The following SRPX2 variants were observed in gnomAD, a reference collection of about 807,000 sequenced individuals.
The protein encoded by SRPX2 is sushi repeat-containing protein SRPX2.
In SRPX2, 26 loss-of-function variants were observed where a neutral mutation model predicts 45.3. The observed-to-expected ratio is 0.57, with a 90% CI of 0.42 to 0.80. The LOEUF (loss-of-function observed/expected upper bound fraction) is 0.80. SRPX2 is among the 30% of genes least tolerant of loss of function. SRPX2 has a pLI of 0.00. For synonymous variants in SRPX2, 125 were observed against 143.7 expected (o/e 0.87, Z 0.93); for missense variants, 355 against 399.8 (o/e 0.89, Z 0.95).
Position 100,662,254 on chromosome X carries a change from G to A in SRPX2, c.242G>A (p.Ser81Asn). The change falls in exon 4 of 11, where the codon AGC becomes AAC. Residue 81 changes from serine to asparagine, a missense_variant. Coordinates refer to ENST00000373004, the MANE Select transcript of SRPX2 (RefSeq NM_014467.3). ...TCACCGAAGGGAGGAAATTATCACAGCAGCCTGGGCACGCGTTGTGAGCTC... is the reference window on the plus strand; with the variant it reads ...TCACCGAAGGGAGGAAATTATCACAACAGCCTGGGCACGCGTTGTGAGCTC... ...CYSPKGGNYH[S>N]SLGTRCELSC... The A allele has an allele frequency of 1.7e-6, 2 of 1,211,646 alleles. No homozygotes were observed. The highest frequency in any genetic ancestry group is 2.2e-6 in the Non-Finnish European group (2 of 895,472).
At chrX:100,662,100 A>G in intron 3 of SRPX2, 76 bp from the exon 4 acceptor site, 1 of 1,048,358 alleles carries the variant, frequency 9.5e-7, no homozygotes, top group Non-Finnish European at 1.3e-6. Context: ...TTTTCCATTG[A>G]CCTATTTGTC....
chrX:100,662,115 C>A (rs1170652830), intron 3 of SRPX2, 61 bp from the exon 4 acceptor site: 3 of 1,143,139 alleles, frequency 2.6e-6, no homozygotes, highest in Non-Finnish European at 2.4e-6. Context: ...TTTGTCTTTT[C>A]ACCAACACCA....
chrX:100,665,981 G>A (rs768693047), intron 7 of SRPX2, among the ~76,000 whole-genome samples: 18 of 111,738 alleles, frequency 1.6e-4, no homozygotes, highest in Non-Finnish European at 2.6e-4. Context: ...TCATTCTGTC[G>A]TTCACCTCTG....
intron 8 of SRPX2, 134 bp downstream of exon 8, chrX:100,667,067 A>G: frequency 1.0e-6 from 1 of 1,000,662 alleles, no homozygotes. Context: ...GTCTAATTTA[A>G]AGGCCAACAT....
intron 3 of SRPX2, among the ~76,000 whole-genome samples, chrX:100,659,392 G>A (rs922213988): frequency 1.8e-5 from 2 of 111,708 alleles, no homozygotes; most frequent in Non-Finnish European, 3.8e-5. Flanking sequence ...CATTTAGACC[G>A]ACCTTTATAT....
intron 2 of SRPX2, 43 bp downstream of exon 2, chrX:100,646,447 G>A: frequency 9.0e-7 from 1 of 1,107,118 alleles, no homozygotes; most frequent in Non-Finnish European, 1.2e-6. Context: ...AGGAAGGATA[G>A]GTCCTAGACC....
In SRPX2 at chrX:100,665,253, C is replaced by G; in HGVS notation, c.543C>G (p.Pro181=). ...GGEPVCVDID[P]PKIRCPHSRE... ...TTTTCATCTTGGCAGACATAGATCCCCCCAAGATCCGCTGTCCCCACTCAC... is the reference window on the plus strand; with the variant it reads ...TTTTCATCTTGGCAGACATAGATCCGCCCAAGATCCGCTGTCCCCACTCAC... The change falls in exon 6 of 11, where the codon CCC becomes CCG. Residue 181 remains proline, a synonymous_variant. Coordinates refer to ENST00000373004, the MANE Select transcript of SRPX2 (RefSeq NM_014467.3). 8.3e-7 allele frequency: 1 copy of G among 1,209,893 alleles called. No homozygotes were observed. Among genetic ancestry groups the G allele is most frequent in the Non-Finnish European group, 1.1e-6 (1 of 894,702 alleles).
chrX:100,666,876 C>A lies in SRPX2; in HGVS notation c.904C>A (p.Pro302Thr). The part of the protein sequence containing the change: ...CDGGYDRQGT[P>T]SRVCQSSRQW... Reference sequence around the variant, plus strand: ...TGGCGGTTATGATCGCCAGGGGACACCCTCCCGGGTCTGTCAGTCCAGCCG... The same window carrying A: ...TGGCGGTTATGATCGCCAGGGGACAACCTCCCGGGTCTGTCAGTCCAGCCG... Residue 302 changes from proline to threonine, a missense_variant, in exon 8 of 11, where the codon CCC becomes ACC. Coordinates refer to ENST00000373004, the MANE Select transcript of SRPX2 (RefSeq NM_014467.3). 8.3e-6 allele frequency: 10 copies of A among 1,211,402 alleles called. No homozygotes were observed. Among genetic ancestry groups the A allele is most frequent in the Non-Finnish European group, 8.9e-6 (8 of 895,473 alleles).
chrX:100,666,062 C>T (rs1323107269), intron 7 of SRPX2, among the ~76,000 whole-genome samples: 1 of 111,883 alleles, frequency 8.9e-6, no homozygotes, highest in Non-Finnish European at 1.9e-5. Context: ...TTTTGCTTTT[C>T]TCATTATAAA....
At position 100,650,169 on chromosome X, in the gene SRPX2, C is replaced by T. The variant is rs186068381; in HGVS notation, c.83-616C>T. The T allele has an allele frequency of 5.9e-4, 68 of 114,933 alleles. 1 individual carries two copies. Among genetic ancestry groups the T allele is most frequent in the Admixed American group, 1.2e-3 (13 of 11,264 alleles). 9.5% of individuals were successfully genotyped at this position (114,933 alleles called of 1,213,427 possible). On this transcript the variant is annotated intron_variant, in intron 2 of 10. Transcript: ENST00000373004. ...ACTCTGCCTTCTCTGTTCTCCAAACCAGGGCAAAGTGCTCACAAAACTGCT... is the reference window on the plus strand; with the variant it reads ...ACTCTGCCTTCTCTGTTCTCCAAACTAGGGCAAAGTGCTCACAAAACTGCT...
At position 100,674,227 on chromosome X, in the gene SRPX2, T is replaced by C. The variant is rs2083243805; in HGVS notation, c.*3240T>C. 8.9e-6 allele frequency: 1 copy of C among 112,098 alleles called. No individual in the cohort carries two copies. Among genetic ancestry groups the C allele is most frequent in the East Asian group, 2.8e-4 (1 of 3,587 alleles). 9.2% of individuals were successfully genotyped at this position (112,098 alleles called of 1,213,427 possible). On this transcript the variant is annotated 3_prime_UTR_variant, in exon 11 of 11. Coordinates refer to ENST00000373004, the MANE Select transcript of SRPX2 (RefSeq NM_014467.3). ...AAGGAAGAGTTCCTTTGTTACAAGA[T>C]AGAAAAGTGGTGCCACTTTAAAGAT...
chrX:100,671,441 C>CTTTTT lies in SRPX2; in HGVS notation c.*466_*470dup, dbSNP rs34012120. On this transcript the variant is annotated 3_prime_UTR_variant, in exon 11 of 11. Coordinates refer to ENST00000373004, the MANE Select transcript of SRPX2 (RefSeq NM_014467.3). ...GGTGGGTAGCAGGGTACAAAACATC[C>CTTTTT]TTTTTTTTTTTTTTTTGAGACGGAG... 3 of 90,410 alleles carry CTTTTT rather than the reference C, an allele frequency of 3.3e-5. No individual in the cohort carries two copies. Among genetic ancestry groups the CTTTTT allele is most frequent in the African/African-American group, 4.9e-5 (1 of 20,413 alleles). 7.5% of individuals were successfully genotyped at this position (90,410 alleles called of 1,213,427 possible).
rs28545771 is a variant in SRPX2, at chrX:100,649,723, C to G, written c.83-1062C>G. 8.1e-3 allele frequency among the ~76,000 whole-genome samples: 908 copies of G among 111,443 alleles called. 8 individuals are homozygous for G. The highest frequency in any genetic ancestry group is 0.028 in the African/African-American group (871 of 30,618). On this transcript the variant is annotated intron_variant, in intron 2 of 10. Transcript: ENST00000373004. Reference sequence around the variant, plus strand: ...AGTGCAGGGGGCCCTGTGCCTCTTCCCAAGAGGAGGAGGCGAGCTTGTGGC... The same window carrying G: ...AGTGCAGGGGGCCCTGTGCCTCTTCGCAAGAGGAGGAGGCGAGCTTGTGGC...
chrX:100,671,251 C>T lies in SRPX2; in HGVS notation c.*264C>T, dbSNP rs974469194. The T allele has an allele frequency of 9.5e-5, 38 of 401,647 alleles. No individual in the cohort carries two copies. Among genetic ancestry groups the T allele is most frequent in the Non-Finnish European group, 1.7e-5 (4 of 230,066 alleles). The allele number at this position is 401,647 out of a possible 1,213,427, so 33.1% of individuals were successfully genotyped here. ...TCCTTTCCTAACCCGGGCCCCTGCC[C>T]AGCTCTCCAAAGTCTTTCAGAAAAG... On this transcript the variant is annotated 3_prime_UTR_variant, in exon 11 of 11. Transcript: ENST00000373004.
chrX:100,649,455 CAGA>C (rs1458815163), intron 2 of SRPX2: 3 of 110,253 alleles, frequency 2.7e-5, no homozygotes, highest in Admixed American at 9.6e-5. Flanking sequence ...CAACGGAAGC[CAGA>C]AGAAGAACTG....
chrX:100,665,007 C>G, intron 5 of SRPX2, 57 bp downstream of exon 5: 1 of 1,170,030 alleles, frequency 8.5e-7, no homozygotes, highest in Non-Finnish European at 1.2e-6. Flanking sequence ...AGCATTATAT[C>G]GACAAAAGAT....
chrX:100,648,498 T>C (rs1462484894), intron 2 of SRPX2, among the ~76,000 whole-genome samples: 1 of 111,364 alleles, frequency 9.0e-6, no homozygotes, highest in Non-Finnish European at 1.9e-5. Flanking sequence ...ATGTAGGAAA[T>C]GTTCCCCTTT....
intron 8 of SRPX2, 122 bp from the exon 9 acceptor site, chrX:100,667,152 G>A: frequency 9.1e-7 from 1 of 1,094,536 alleles, no homozygotes. Context: ...TTCCCCCAAG[G>A]GATGGGAGAA....
At chrX:100,647,110 G>A (rs906239103) in intron 2 of SRPX2, among the ~76,000 whole-genome samples, 1 of 112,050 alleles carries the variant, frequency 8.9e-6, no homozygotes, top group Non-Finnish European at 1.9e-5. Context: ...GAAGGGATGA[G>A]GGCAGGATAA....
Sources: allele counts gnomAD v4.1 joint callset (sites outside exome capture counted in the v4.1 genomes callset), GRCh38; gene constraint gnomAD v4.1.1; transcripts MANE v1.5; gene names NCBI Gene and HGNC (gene_info 2026-07-23, HGNC 2026-07-21).